Variants in ATAD2 observed in about 807,000 individuals in gnomAD.
ATAD2 encodes the protein ATPase family AAA domain containing 2, also known as ATPase family AAA domain-containing protein 2.
In ATAD2, 62 loss-of-function variants were observed where a neutral mutation model predicts 168.9. The observed-to-expected ratio is 0.37, with a 90% confidence interval of 0.30 to 0.45. ATAD2 has a LOEUF of 0.45. Ranked by LOEUF, ATAD2 falls within the 20% of genes least tolerant of loss-of-function variation. ATAD2 has a pLI of 1.00. For synonymous variants in ATAD2, 613 were observed against 571.6 expected, an observed-to-expected ratio of 1.07 and a Z score of -1.03; for missense variants, 1,419 against 1,667.8, an observed-to-expected ratio of 0.85 and a Z score of 2.60.
intron 11 of ATAD2, among the ~76,000 whole-genome samples, chr8:123,358,044 G>A (rs1276785624): frequency 6.6e-6 from 1 of 152,090 alleles, no homozygotes; most frequent in Non-Finnish European, 1.5e-5. Flanking sequence ...AATTCAATTT[G>A]TATGGGGGAA....
chr8:123,337,642 G>A lies in ATAD2; in HGVS notation c.3034C>T (p.Pro1012Ser). The A allele has an allele frequency of 6.2e-7, 1 of 1,609,664 alleles. No individual in the cohort carries two copies. The highest frequency in any genetic ancestry group is 8.5e-7 in the Non-Finnish European group (1 of 1,177,972). Residue 1012 changes from proline (P) to serine (S), a missense_variant, in exon 21 of 28, where the codon CCT (proline) becomes TCT (serine). Pro to Ser is a moderately conservative substitution (Grantham distance 74). Transcript: ENST00000287394. Reference protein sequence around the residue: ...IDKRFRVFTKPVDPDEVPDYV... With the variant: ...IDKRFRVFTKSVDPDEVPDYV... ...ACTAATACCTCATCAGGGTCAACAG[G>A]CTTAGTAAACACTCGGAATCGCTTG...
upstream of ATAD2, among the ~76,000 whole-genome samples, chr8:123,398,092 C>T (rs115767754): frequency 2.9e-3 from 440 of 152,114 alleles, 4 homozygotes; most frequent in African/African-American, 0.01. Flanking sequence ...TGACTTATTC[C>T]GACTTTAAAA....
Position 123,356,376 on chromosome 8 carries a change from A to C in ATAD2, c.1646+13T>G. 1 of 1,600,588 alleles carries C rather than the reference A, an allele frequency of 6.2e-7. No homozygotes were observed. The highest frequency in any genetic ancestry group is 8.5e-7 in the Non-Finnish European group (1 of 1,169,648). On this transcript the variant is annotated intron_variant, in intron 13 of 27. Coordinates refer to ENST00000287394, the MANE Select transcript of ATAD2 (RefSeq NM_014109.4). Reference sequence around the variant, plus strand: ...TAGGAAGAAACGTTGAAGTGCCATCAAGCAAGTTTTACCTGTGAATCTGAT... The same window carrying C: ...TAGGAAGAAACGTTGAAGTGCCATCCAGCAAGTTTTACCTGTGAATCTGAT...
intron 12 of ATAD2, among the ~76,000 whole-genome samples, chr8:123,357,124 C>A (rs931126964): frequency 6.6e-6 from 1 of 152,048 alleles, no homozygotes; most frequent in Non-Finnish European, 1.5e-5. Flanking sequence ...CGGGAGAGTT[C>A]CAAAAAGAGA....
intron 1 of ATAD2, among the ~76,000 whole-genome samples, chr8:123,382,926 C>A (rs903841885): frequency 2.6e-5 from 4 of 152,150 alleles, no homozygotes; most frequent in East Asian, 1.9e-4. Context: ...TTTGCAATAA[C>A]AAAGACTTGG....
intron 25 of ATAD2, 130 bp from the exon 26 acceptor site, chr8:123,326,156 C>T (rs1827609851): frequency 1.1e-6 from 1 of 951,134 alleles, no homozygotes; most frequent in Non-Finnish European, 1.5e-6. Context: ...GGCTTATTAA[C>T]TCATTCTGTT....
rs926141201 is a variant in ATAD2 at position 123,335,479 on chromosome 8, G to T, written c.3211+894C>A. ...AGCACCACCAATTTAAAAACAGAAA[G>T]CCAATGTACTGGAGGAGAAATGAAT... On this transcript the variant is annotated intron_variant, in intron 22 of 27. Coordinates refer to ENST00000287394, the MANE Select transcript of ATAD2 (RefSeq NM_014109.4). 4.6e-5 allele frequency among the ~76,000 whole-genome samples: 7 copies of T among 152,230 alleles called. No homozygotes were observed. The South Asian group carries it at 1.5e-3, about 32-fold the overall frequency.
chr8:123,336,582 ATG>A (rs1827918548), intron 21 of ATAD2, 50 bp from the exon 22 acceptor site: 1 of 1,393,694 alleles, frequency 7.2e-7, no homozygotes, highest in Non-Finnish European at 9.5e-7. Context: ...TAAACATAAC[ATG>A]TGAGTCAAGT....
intron 1 of ATAD2, among the ~76,000 whole-genome samples, chr8:123,404,176 T>C (rs1467883547): frequency 6.6e-6 from 1 of 152,206 alleles, no homozygotes; most frequent in African/African-American, 2.4e-5. Context: ...TATGCCCGTT[T>C]CCTAGCCATC....
intron 24 of ATAD2, among the ~76,000 whole-genome samples, chr8:123,330,382 T>C (rs1012996053): frequency 2.0e-5 from 3 of 151,716 alleles, no homozygotes; most frequent in Non-Finnish European, 4.4e-5. Context: ...GATTTTTTTT[T>C]GAGATGGAGT....
intron 19 of ATAD2, chr8:123,342,374 C>A (rs1365939962): frequency 6.6e-6 from 1 of 151,950 alleles, no homozygotes; most frequent in Non-Finnish European, 1.5e-5. Flanking sequence ...GTTCTATATG[C>A]AATCTGGGAA....
chr8:123,366,242 G>A (rs1447932337), intron 8 of ATAD2, among the ~76,000 whole-genome samples: 1 of 152,056 alleles, frequency 6.6e-6, no homozygotes, highest in Admixed American at 6.6e-5. Context: ...CCGCAAAAAT[G>A]GCTATAATCA....
intron 20 of ATAD2, among the ~76,000 whole-genome samples, chr8:123,338,252 G>A (rs930671807): frequency 2.6e-5 from 4 of 152,122 alleles, no homozygotes; most frequent in African/African-American, 9.7e-5. Context: ...CTACTCAGGA[G>A]GCTGAGGCAG....
rs373003205 is a variant in ATAD2, at chr8:123,357,554, T to C, written c.1557+8A>G. The C allele has an allele frequency of 4.1e-5, 66 of 1,610,012 alleles. No homozygotes were observed. Among genetic ancestry groups the C allele is most frequent in the Non-Finnish European group, 5.4e-5 (64 of 1,178,162 alleles). ...ACTATCCAGATATATAAAATGTTAATATCATACCTGATCAAACAGCAATCG... is the reference window on the plus strand; with the variant it reads ...ACTATCCAGATATATAAAATGTTAACATCATACCTGATCAAACAGCAATCG... On this transcript the variant is annotated splice_region_variant and intron_variant, in intron 12 of 27. Transcript: ENST00000287394.
At chr8:123,350,121 G>T (rs1457113407) in intron 13 of ATAD2, among the ~76,000 whole-genome samples, 2 of 151,990 alleles carry the variant, frequency 1.3e-5, no homozygotes, top group African/African-American at 4.8e-5. Flanking sequence ...CATTATCAAA[G>T]GACACCAAAA....
chr8:123,346,450 T>C (rs992557855), intron 17 of ATAD2, among the ~76,000 whole-genome samples, 168 bp downstream of exon 17: 1 of 152,206 alleles, frequency 6.6e-6, no homozygotes, highest in Non-Finnish European at 1.5e-5. Context: ...AATATTTTTA[T>C]AGACTGTAAT....
rs1182113459 is a variant in ATAD2 at position 123,351,096 on chromosome 8, GA to G, written c.1647-1653del. On this transcript the variant is annotated intron_variant, in intron 13 of 27. Transcript: ENST00000287394. ...TTTGGGATGGCATATTTCACAGGAA[GA>G]TACCACGTAATTCCTATTATATCCC... Among the ~76,000 whole-genome samples the G allele has an allele frequency of 5.3e-5, 8 of 152,214 alleles. No homozygotes were observed. The South Asian group carries it at 8.3e-4, about 16-fold the overall frequency.
At position 123,321,070 on chromosome 8, in the gene ATAD2, C is replaced by T. The variant is rs569603610; in HGVS notation, c.*64G>A. The T allele has an allele frequency of 5.6e-5, 79 of 1,413,666 alleles. 1 individual carries two copies. The highest frequency in any genetic ancestry group is 1.2e-4 in the South Asian group (10 of 82,256). 87.6% of individuals were successfully genotyped at this position (1,413,666 alleles called of 1,614,324 possible). On this transcript the variant is annotated 3_prime_UTR_variant, in exon 28 of 28. Transcript: ENST00000287394. ...AGGGTTTCATACTACATCAATTAGGCGGACATGACAAAAATGACTTAAATA... is the reference window on the plus strand; with the variant it reads ...AGGGTTTCATACTACATCAATTAGGTGGACATGACAAAAATGACTTAAATA...
chr8:123,391,415 A>C (rs1388787557), intron 1 of ATAD2, among the ~76,000 whole-genome samples: 1 of 151,352 alleles, frequency 6.6e-6, no homozygotes, highest in Non-Finnish European at 1.5e-5. Context: ...GTAGTTAATA[A>C]ATAGGTGACT....
Sources: gnomAD v4.1 joint callset for allele counts (sites outside exome capture counted in the v4.1 genomes callset) on GRCh38, gnomAD v4.1.1 for gene constraint, MANE v1.5 for transcripts, NCBI Gene and HGNC (gene_info 2026-07-23, HGNC 2026-07-21) for gene names.